The following PTPRD variants were observed in gnomAD, a reference collection of about 807,000 sequenced individuals.
The protein encoded by PTPRD is protein tyrosine phosphatase receptor type D, also known as receptor-type tyrosine-protein phosphatase delta.
Under a neutral mutation model 214.5 loss-of-function variants are expected in PTPRD, and 34 were observed. That is an observed-to-expected ratio of 0.16 (90% CI 0.12 to 0.21). The LOEUF (loss-of-function observed/expected upper bound fraction) is 0.21, where lower values mean the gene tolerates loss of function less well. Among genes scored for constraint, PTPRD ranks in the 10% least tolerant of loss-of-function variants. The pLI is 1.00. For synonymous variants in PTPRD, 1,128 were observed against 845.7 expected, an observed-to-expected ratio of 1.33 and a Z score of -5.79; for missense variants, 2,545 against 2,398.7, an observed-to-expected ratio of 1.06 and a Z score of -1.27.
chr9:9,804,113 C>G (rs542502200), intron 5 of PTPRD, among the ~76,000 whole-genome samples: 2 of 152,038 alleles, frequency 1.3e-5, no homozygotes, highest in African/African-American at 4.8e-5. Flanking sequence ...TGATCAGCTT[C>G]TAACCTCAAG....
At chr9:10,594,810 G>A (rs1023859819) in intron 2 of PTPRD, among the ~76,000 whole-genome samples, 4 of 151,958 alleles carry the variant, frequency 2.6e-5, no homozygotes, top group Non-Finnish European at 5.9e-5. Flanking sequence ...TGGTGTCCTT[G>A]CACCGAAGTG....
chr9:8,659,602 T>G (rs2096988778), intron 12 of PTPRD, among the ~76,000 whole-genome samples: 1 of 152,214 alleles, frequency 6.6e-6, no homozygotes, highest in Non-Finnish European at 1.5e-5. Context: ...TAAATACCAG[T>G]AGAGTGGATT....
intron 39 of PTPRD, among the ~76,000 whole-genome samples, chr9:8,348,156 A>G (rs1419709772): frequency 6.6e-6 from 1 of 152,136 alleles, no homozygotes; most frequent in Non-Finnish European, 1.5e-5. Context: ...GTTATTTTCC[A>G]TTTTAGGGAC....
intron 11 of PTPRD, among the ~76,000 whole-genome samples, chr9:8,750,228 G>A (rs2093376127): frequency 6.6e-6 from 1 of 151,958 alleles, no homozygotes; most frequent in Non-Finnish European, 1.5e-5. Flanking sequence ...CAGGATCTCA[G>A]CTCACTGCAA....
chr9:10,160,638 T>A (rs1218912439), intron 3 of PTPRD, among the ~76,000 whole-genome samples: 1 of 151,782 alleles, frequency 6.6e-6, no homozygotes, highest in African/African-American at 2.4e-5. Context: ...AATAGGAAAA[T>A]AATGAAATCC....
intron 37 of PTPRD, among the ~76,000 whole-genome samples, chr9:8,385,272 G>A (rs2086574744): frequency 6.6e-6 from 1 of 152,174 alleles, no homozygotes; most frequent in Admixed American, 6.5e-5. Flanking sequence ...CAAGCCTGCA[G>A]TCCAAACACT....
chr9:10,328,164 C>CT (rs964691893), intron 3 of PTPRD, among the ~76,000 whole-genome samples: 3 of 151,650 alleles, frequency 2.0e-5, no homozygotes, highest in Admixed American at 6.6e-5. Flanking sequence ...GAGAACCATT[C>CT]TTTTTATCAG....
intron 5 of PTPRD, among the ~76,000 whole-genome samples, chr9:9,790,235 G>C (rs549904277): frequency 1.3e-5 from 2 of 152,172 alleles, no homozygotes; most frequent in African/African-American, 2.4e-5. Flanking sequence ...TATTGTCTTG[G>C]ACATTGGACA....
At chr9:8,454,643 T>C (rs1244794060) in intron 33 of PTPRD, 3 of 1,601,986 alleles carry the variant, frequency 1.9e-6, no homozygotes, top group Non-Finnish European at 2.6e-6. Flanking sequence ...TAAATGTTAG[T>C]TGGCCAATGG....
At chr9:10,078,514 TAAA>T (rs71485315) in intron 3 of PTPRD, among the ~76,000 whole-genome samples, 4 of 78,766 alleles carry the variant, frequency 5.1e-5, no homozygotes, top group Admixed American at 1.5e-4. Context: ...AGACTCCATC[TAAA>T]AAAAAAAAAA....
intron 4 of PTPRD, among the ~76,000 whole-genome samples, chr9:9,938,884 G>T (rs575265813): frequency 1.3e-5 from 2 of 152,022 alleles, no homozygotes; most frequent in African/African-American, 2.4e-5. Context: ...CTATCCATTT[G>T]GTATAAGTAA....
chr9:10,361,281 T>G (rs2097384132), intron 2 of PTPRD, among the ~76,000 whole-genome samples: 1 of 152,200 alleles, frequency 6.6e-6, no homozygotes, highest in Admixed American at 6.5e-5. Flanking sequence ...GTCATGGAGC[T>G]TCTTGAAATC....
chr9:10,333,840 A>G (rs1249740631), intron 3 of PTPRD, among the ~76,000 whole-genome samples: 1 of 151,806 alleles, frequency 6.6e-6, no homozygotes, highest in Non-Finnish European at 1.5e-5. Flanking sequence ...TCCTGCATCT[A>G]TGCACTTGAC....
At chr9:9,861,454 G>C in intron 5 of PTPRD, among the ~76,000 whole-genome samples, 1 of 151,796 alleles carries the variant, frequency 6.6e-6, no homozygotes, top group East Asian at 1.9e-4. Flanking sequence ...CCATGCCCAG[G>C]CTAATTTTTG....
intron 3 of PTPRD, among the ~76,000 whole-genome samples, chr9:10,268,899 T>C (rs1354171410): frequency 6.6e-6 from 1 of 152,196 alleles, no homozygotes; most frequent in African/African-American, 2.4e-5. Context: ...CTCAGCAACA[T>C]TGGCATTATT....
At chr9:8,832,157 T>A (rs2097307755) in intron 11 of PTPRD, among the ~76,000 whole-genome samples, 1 of 151,708 alleles carries the variant, frequency 6.6e-6, no homozygotes, top group Non-Finnish European at 1.5e-5. Context: ...ATATGTCTGA[T>A]GACTACCAAG....
chr9:9,040,721 T>C (rs1441428667), intron 10 of PTPRD, among the ~76,000 whole-genome samples: 1 of 152,220 alleles, frequency 6.6e-6, no homozygotes, highest in Non-Finnish European at 1.5e-5. Context: ...ATCACAGTCA[T>C]AATATCTGTT....
chr9:10,567,594 C>T (rs1334131433), intron 2 of PTPRD, among the ~76,000 whole-genome samples: 1 of 151,862 alleles, frequency 6.6e-6, no homozygotes, highest in Admixed American at 6.6e-5. Context: ...GAGTTGGTCT[C>T]TAAAGTTATT....
chr9:8,582,700 CT>C (rs1403268338), intron 14 of PTPRD, among the ~76,000 whole-genome samples: 4 of 152,134 alleles, frequency 2.6e-5, no homozygotes, highest in Non-Finnish European at 4.4e-5. Context: ...TTTTATAACC[CT>C]TCAGATTGTC....
Sources: gnomAD v4.1 joint callset for allele counts (sites outside exome capture counted in the v4.1 genomes callset) on GRCh38, gnomAD v4.1.1 for gene constraint, MANE v1.5 for transcripts, NCBI Gene and HGNC (gene_info 2026-07-23, HGNC 2026-07-21) for gene names.